Variants in PHF1 observed in about 807,000 individuals in gnomAD.
PHF1 encodes the protein polycomb-like 1.
In PHF1, 16 loss-of-function variants were observed where a neutral mutation model predicts 69.4. That is an observed-to-expected ratio of 0.23 (90% CI 0.16 to 0.35). The LOEUF is 0.35. Among genes scored for constraint, PHF1 ranks in the 10% least tolerant of loss-of-function variants. The pLI is 1.00. For synonymous variants in PHF1, 274 were observed against 275.0 expected (o/e 1.00, Z 0.04); for missense variants, 515 against 732.8 (o/e 0.70, Z 3.43).
chr6:33,411,832 C>T (rs1208236019), intron 1 of PHF1, among the ~76,000 whole-genome samples: 1 of 152,034 alleles, frequency 6.6e-6, no homozygotes, highest in African/African-American at 2.4e-5. Flanking sequence ...GATGGGGGCA[C>T]AGATACTTCA....
chr6:33,410,967 C>G (rs1176224876), upstream of PHF1: 1 of 135,780 alleles, frequency 7.4e-6, no homozygotes, highest in Non-Finnish European at 1.5e-5. Flanking sequence ...CCACCACCCT[C>G]CCCCCCAACC....
intron 4 of PHF1, 126 bp from the exon 5 acceptor site, chr6:33,413,070 A>T (rs1776200360): frequency 3.3e-6 from 3 of 899,462 alleles, no homozygotes; most frequent in Non-Finnish European, 5.5e-6. Context: ...GACTTGTAAA[A>T]TAAGGATAAT....
chr6:33,414,960 C>T lies in PHF1; in HGVS notation c.1055C>T (p.Pro352Leu). The change falls in exon 12 of 15, where the codon CCT (proline) becomes CTT (leucine). Residue 352 changes from proline (P) to leucine (L), a missense_variant. Around this residue, in one of 5 missense-constraint regions of PHF1, gnomAD observed 274 missense variants for 304.5 expected, o/e 0.90. Coordinates refer to ENST00000374516, the MANE Select transcript of PHF1 (RefSeq NM_024165.3). This position sits in a 1 kb window ranked among gnomAD's most constrained non-coding sequence, Gnocchi z 5.0. ...GATAAGGAGGCCTCTTACAGCTTCC[C>T]TTCAGGGCAGGGCCCTGGGGGAGGG... ...PTGDGALTSF[P>L]SGQGPGGGVS... 1.3e-6 allele frequency: 2 copies of T among 1,533,688 alleles called. No individual in the cohort carries two copies. The highest frequency in any genetic ancestry group is 1.8e-6 in the Non-Finnish European group (2 of 1,139,166).
rs1005759829 is a variant in PHF1, at chr6:33,414,631, C to A, written c.944+87C>A. On this transcript the variant is annotated intron_variant, in intron 10 of 14. Transcript: ENST00000374516. The surrounding 1 kb of genome is among the most constrained non-coding windows in gnomAD (Gnocchi z 5.0). The stretch of plus-strand genomic sequence containing the variant: ...GGAAGGGGAGGGGCTTGCAACCCAC[C>A]TGGAAGACTGTGACTGAAAAGGATT... 25 of 1,525,684 alleles carry A rather than the reference C, an allele frequency of 1.6e-5. No homozygotes were observed. The highest frequency in any genetic ancestry group is 2.1e-5 in the Non-Finnish European group (24 of 1,116,836). 94.5% of individuals were successfully genotyped at this position (1,525,684 alleles called of 1,614,324 possible).
intron 7 of PHF1, 77 bp from the exon 8 acceptor site, chr6:33,413,964 T>G: frequency 6.3e-7 from 1 of 1,588,166 alleles, no homozygotes; most frequent in Non-Finnish European, 8.6e-7. Context: ...GTTTGCCCCG[T>G]CCTTGCTTGT....
intron 7 of PHF1, 83 bp from the exon 8 acceptor site, chr6:33,413,958 G>A: frequency 6.4e-7 from 1 of 1,574,700 alleles, no homozygotes; most frequent in South Asian, 1.1e-5. Flanking sequence ...TCACCTGTTT[G>A]CCCCGTCCTT....
intron 7 of PHF1, 62 bp from the exon 8 acceptor site, chr6:33,413,979 C>T (rs1776259989): frequency 1.9e-6 from 3 of 1,603,620 alleles, no homozygotes; most frequent in Non-Finnish European, 2.6e-6. Context: ...GCTTGTGAGT[C>T]TTCCAGGGGA....
rs371490134 is a variant in PHF1 at position 33,412,298 on chromosome 6, C to T, written c.35C>T (p.Ala12Val). 1.2e-6 allele frequency: 2 copies of T among 1,614,118 alleles called. No individual in the cohort carries two copies. Among genetic ancestry groups the T allele is most frequent in the Non-Finnish European group, 8.5e-7 (1 of 1,180,018 alleles). Residue 12 changes from alanine (A) to valine (V), a missense_variant, in exon 2 of 15, where the codon GCC (alanine) becomes GTC (valine). By Grantham distance (64) the Ala-to-Val change is moderately conservative. This residue lies in a region of PHF1 where 52 missense variants were observed against 48.2 expected (regional missense o/e 1.08). Coordinates refer to ENST00000374516, the MANE Select transcript of PHF1 (RefSeq NM_024165.3). The surrounding 1 kb of genome is among the most constrained non-coding windows in gnomAD (Gnocchi z 4.2). ...CCCCCCCGGCTGAGCCGCTCTGGTG[C>T]CTCCTCACTTTGGGACCCAGCTTCT... Reference protein sequence around the residue: ...AQPPRLSRSGASSLWDPASPA... With the variant: ...AQPPRLSRSGVSSLWDPASPA...
intron 1 of PHF1, among the ~76,000 whole-genome samples, chr6:33,411,564 A>C (rs1241243211): frequency 6.6e-6 from 1 of 152,200 alleles, no homozygotes; most frequent in Non-Finnish European, 1.5e-5. Flanking sequence ...GTCTCTGGGC[A>C]ACAGGACACC....
Position 33,415,054 on chromosome 6 carries a change from A to G in PHF1, c.1149A>G (p.Lys383=), listed in dbSNP as rs1370451627. 2 of 1,603,756 alleles carry G rather than the reference A, an allele frequency of 1.2e-6. No homozygotes were observed. The highest frequency in any genetic ancestry group is 1.7e-5 in the Admixed American group (1 of 57,924). The stretch of plus-strand genomic sequence containing the variant: ...CCCTGAGGAGGAGGCAGAAGGGGAA[A>G]GTGGAGGAGCTGGGGCCACCCTCAG... ...PEPLRRRQKG[K]VEELGPPSAV... is the part of the protein sequence containing the mutation. Residue 383 remains lysine (K), a synonymous_variant, in exon 12 of 15, where the codon AAA becomes AAG. Coordinates refer to ENST00000374516, the MANE Select transcript of PHF1 (RefSeq NM_024165.3).
At chr6:33,413,158 A>G (rs753340823) in intron 4 of PHF1, 38 bp from the exon 5 acceptor site, 1 of 1,516,054 alleles carries the variant, frequency 6.6e-7, no homozygotes, top group South Asian at 1.1e-5. Context: ...CCAAGCACAC[A>G]CAGGTATGCA....
At chr6:33,411,332 C>T (rs1028735635) in intron 1 of PHF1, 117 bp downstream of exon 1, 2 of 152,184 alleles carry the variant, frequency 1.3e-5, no homozygotes, top group Non-Finnish European at 2.9e-5. Context: ...ACACAAGTCC[C>T]TTCTCGGACT....
Position 33,412,262 on chromosome 6 carries a change from C to T in PHF1, c.-2C>T, listed in dbSNP as rs376998628. On this transcript the variant is annotated 5_prime_UTR_variant, in exon 2 of 15. Coordinates refer to ENST00000374516, the MANE Select transcript of PHF1 (RefSeq NM_024165.3). The surrounding 1 kb of genome is among the most constrained non-coding windows in gnomAD (Gnocchi z 4.2). ...TTTCTGGCTAGGCCCCCCCAGGATG[C>T]AATGGCGCAGCCCCCCCGGCTGAGC... The T allele has an allele frequency of 6.2e-7, 1 of 1,611,828 alleles. No individual in the cohort carries two copies. The highest frequency in any genetic ancestry group is 1.7e-5 in the Admixed American group (1 of 60,016).
In PHF1 at chr6:33,414,007, G is replaced by GT. The variant is rs1347944497; in HGVS notation, c.684-33dup. On this transcript the variant is annotated intron_variant, in intron 7 of 14. Transcript: ENST00000374516. This position sits in a 1 kb window ranked among gnomAD's most constrained non-coding sequence, Gnocchi z 5.0. Reference sequence around the variant, plus strand: ...CCAGGGGATGGCACAGTTTTCCTGTGTAAGTGTGTTTGCTCCCTCTTGCCC... The same window carrying GT: ...CCAGGGGATGGCACAGTTTTCCTGTGTTAAGTGTGTTTGCTCCCTCTTGCCC... 20 of 1,613,032 alleles carry GT rather than the reference G, an allele frequency of 1.2e-5. No homozygotes were observed. The highest frequency in any genetic ancestry group is 2.7e-5 in the African/African-American group (2 of 74,984).
Position 33,412,607 on chromosome 6 carries a change from T to C in PHF1, c.241+18T>C. 6.2e-7 allele frequency: 1 copy of C among 1,613,548 alleles called. No individual in the cohort carries two copies. The highest frequency in any genetic ancestry group is 8.5e-7 in the Non-Finnish European group (1 of 1,179,402). ...TAGCCCTGGTAAGACTCTAGAGACC[T>C]GAGATTGCACATCCCATGGAAAACA... On this transcript the variant is annotated intron_variant, in intron 3 of 14. Transcript: ENST00000374516. This position sits in a 1 kb window ranked among gnomAD's most constrained non-coding sequence, Gnocchi z 4.2.
Position 33,412,961 on chromosome 6 carries a change from G to A in PHF1, c.337+168G>A, listed in dbSNP as rs1776189746. On this transcript the variant is annotated intron_variant, in intron 4 of 14. Transcript: ENST00000374516. The surrounding 1 kb of genome is among the most constrained non-coding windows in gnomAD (Gnocchi z 4.2). ...CAGGGAGAAGCAGCCATGGAAAGGG[G>A]TGGTATAACCTTTGCAGGCAGAAGA... is the stretch of plus-strand genomic sequence containing the variant. The A allele has an allele frequency of 8.6e-6, 6 of 697,510 alleles. No homozygotes were observed. The highest frequency in any genetic ancestry group is 2.5e-6 in the Non-Finnish European group (1 of 401,010). The allele number at this position is 697,510 out of a possible 1,614,324, so 43.2% of individuals were successfully genotyped here.
chr6:33,413,879 C>A lies in PHF1; in HGVS notation c.683+48C>A, dbSNP rs188521783. The A allele has an allele frequency of 1.4e-5, 22 of 1,563,676 alleles. No individual in the cohort carries two copies. In the Admixed American group the frequency reaches 3.5e-4, roughly 25 times the overall value. On this transcript the variant is annotated intron_variant, in intron 7 of 14. Transcript: ENST00000374516. Reference sequence around the variant, plus strand: ...AGGAGCCAAGGATGCCCTCTTTCTTCGTGTTCCACCCTCAGTTCTCCCACG... The same window carrying A: ...AGGAGCCAAGGATGCCCTCTTTCTTAGTGTTCCACCCTCAGTTCTCCCACG...
chr6:33,412,691 C>T lies in PHF1; in HGVS notation c.242-7C>T, dbSNP rs1243663387. 1.2e-6 allele frequency: 2 copies of T among 1,613,892 alleles called. No individual in the cohort carries two copies. Among genetic ancestry groups the T allele is most frequent in the East Asian group, 2.2e-5 (1 of 44,890 alleles). ...GGCAGGCCCTGTGACACTGTGTTCT[C>T]TCACAGCTGCCCTCCCTGGAGAGGA... On this transcript the variant is annotated splice_region_variant and splice_polypyrimidine_tract_variant and intron_variant, in intron 3 of 14. Coordinates refer to ENST00000374516, the MANE Select transcript of PHF1 (RefSeq NM_024165.3). The surrounding 1 kb of genome is among the most constrained non-coding windows in gnomAD (Gnocchi z 4.2).
Position 33,415,305 on chromosome 6 carries a change from C to T in PHF1, c.1310C>T (p.Pro437Leu), listed in dbSNP as rs752854917. 3 of 1,613,350 alleles carry T rather than the reference C, an allele frequency of 1.9e-6. No individual in the cohort carries two copies. The South Asian group carries it at 3.3e-5, about 18-fold the overall frequency. The stretch of plus-strand genomic sequence containing the variant: ...GGCAGCAGCGGCTACAACTTCCGGC[C>T]CACAGATGCCCGCTGCCTGCCCAGG... ...YQGSSGYNFR[P>L]TDARCLPSSP... Residue 437 changes from proline to leucine, a missense_variant, in exon 13 of 15, where the codon CCC (proline) becomes CTC (leucine). Pro to Leu is a moderately conservative substitution (Grantham distance 98, BLOSUM62 -3). This residue lies in a region of PHF1 where 274 missense variants were observed against 304.5 expected (regional missense o/e 0.90). Coordinates refer to ENST00000374516, the MANE Select transcript of PHF1 (RefSeq NM_024165.3).
Sources: gnomAD v4.1 joint callset for allele counts (sites outside exome capture counted in the v4.1 genomes callset) on GRCh38, gnomAD v4.1.1 for gene constraint, gnomAD v4.1.1 regional missense constraint, Gnocchi (gnomAD v3.1) non-coding constraint, MANE v1.5 for transcripts, NCBI Gene and HGNC (gene_info 2026-07-23, HGNC 2026-07-21) for gene names.